Variants in RSRC1 observed in about 807,000 individuals in gnomAD.
RSRC1 encodes the protein serine/Arginine-related protein 53.
In RSRC1, 39 loss-of-function variants were observed where a neutral mutation model predicts 49.1. That is an observed-to-expected ratio of 0.79 (90% CI 0.61 to 1.04). The LOEUF is 1.04. Among genes scored for constraint, RSRC1 ranks in the 50% least tolerant of loss-of-function variants. The pLI is 0.00. For missense variants in RSRC1, 388 were observed against 402.4 expected, an observed-to-expected ratio of 0.96 and a Z score of 0.31; for synonymous variants, 143 against 130.8, an observed-to-expected ratio of 1.09 and a Z score of -0.63.
At chr3:158,137,825 C>T (rs1309429018) in intron 3 of RSRC1, among the ~76,000 whole-genome samples, 5 of 151,488 alleles carry the variant, frequency 3.3e-5, no homozygotes, top group East Asian at 3.9e-4. Context: ...GGCTAATTTT[C>T]GTATTTTTAG....
intron 3 of RSRC1, among the ~76,000 whole-genome samples, chr3:158,163,259 G>A (rs1023136680): frequency 3.9e-5 from 6 of 152,146 alleles, no homozygotes; most frequent in Non-Finnish European, 7.4e-5. Context: ...TGCCTCCTCT[G>A]CCTCCCAAAA....
Position 158,207,664 on chromosome 3 carries a change from G to GATAGATAGATAGATAGATAA in RSRC1, c.494+4420_494+4421insTAGATAGATAGATAGATAAA, listed in dbSNP as rs1256510424. ...AGATAGATAGATAGATAGATAGATA[G>GATAGATAGATAGATAGATAA]ACAGAGAGACAGACAGACAGACAGG... On this transcript the variant is annotated intron_variant, in intron 4 of 9. Transcript: ENST00000611884. Among the ~76,000 whole-genome samples the GATAGATAGATAGATAGATAA allele has an allele frequency of 1.9e-3, 292 of 152,068 alleles. 3 individuals are homozygous for GATAGATAGATAGATAGATAA. Among genetic ancestry groups the GATAGATAGATAGATAGATAA allele is most frequent in the Middle Eastern group, 0.01 (3 of 294 alleles).
chr3:158,489,109 T>A (rs1269335741), intron 7 of RSRC1, among the ~76,000 whole-genome samples: 1 of 152,224 alleles, frequency 6.6e-6, no homozygotes, highest in Non-Finnish European at 1.5e-5. Flanking sequence ...ATTATTTTCA[T>A]TTTACCACTT....
chr3:158,364,708 C>T (rs1039624842), intron 6 of RSRC1, among the ~76,000 whole-genome samples: 1 of 151,796 alleles, frequency 6.6e-6, no homozygotes, highest in Non-Finnish European at 1.5e-5. Flanking sequence ...GTGAAGTCCT[C>T]AAGTCAGGGG....
chr3:158,493,943 G>A (rs1739200105), intron 7 of RSRC1, among the ~76,000 whole-genome samples: 1 of 152,008 alleles, frequency 6.6e-6, no homozygotes, highest in African/African-American at 2.4e-5. Context: ...AAATATCCAA[G>A]GAAGTAAAAA....
intron 6 of RSRC1, among the ~76,000 whole-genome samples, chr3:158,410,862 C>T (rs1423887271): frequency 6.6e-6 from 1 of 151,994 alleles, no homozygotes; most frequent in Non-Finnish European, 1.5e-5. Flanking sequence ...TAAATCAGTA[C>T]TTGTGTTACA....
At chr3:158,121,983 A>G (rs1437400878) in intron 1 of RSRC1, 120 bp from the exon 2 acceptor site, 2 of 544,960 alleles carry the variant, frequency 3.7e-6, no homozygotes, top group Admixed American at 4.1e-5. Flanking sequence ...CCAGCCTGGG[A>G]TACAGAGGGA....
intron 3 of RSRC1, among the ~76,000 whole-genome samples, chr3:158,199,503 C>T (rs1720897213): frequency 6.6e-6 from 1 of 152,018 alleles, no homozygotes; most frequent in Admixed American, 6.6e-5. Flanking sequence ...TTAGTTTTCT[C>T]TTCCATTGAT....
chr3:158,334,649 T>TTGTGTGTGTGTGTGTGTGTG (rs71840277), intron 5 of RSRC1, among the ~76,000 whole-genome samples: 21 of 137,448 alleles, frequency 1.5e-4, no homozygotes, highest in Non-Finnish European at 2.0e-4. Context: ...CCCAGCTAAT[T>TTGTGTGTGTGTGTGTGTGTG]TGTGTGTGTG....
chr3:158,259,678 C>A (rs1392245909), intron 4 of RSRC1, among the ~76,000 whole-genome samples: 2 of 152,180 alleles, frequency 1.3e-5, no homozygotes, highest in Non-Finnish European at 2.9e-5. Context: ...GAGTTCCCCC[C>A]AGCCCCAGGC....
intron 7 of RSRC1, among the ~76,000 whole-genome samples, chr3:158,501,334 G>GTTGAATAGAAT (rs1215666794): frequency 1.3e-5 from 2 of 152,076 alleles, no homozygotes; most frequent in Non-Finnish European, 2.9e-5. Flanking sequence ...TGTGTATTCT[G>GTTGAATAGAAT]GGGTTGTTGG....
rs550644888 is a variant in RSRC1, at chr3:158,406,733, T to C, written c.583+51825T>C. Among the ~76,000 whole-genome samples, 97 of 152,238 alleles carry C rather than the reference T, an allele frequency of 6.4e-4. 1 individual carries two copies. The highest frequency in any genetic ancestry group is 3.4e-3 in the Middle Eastern group (1 of 294). The stretch of plus-strand genomic sequence containing the variant: ...ATGCATTAGAATCATCTCTTTTGCT[T>C]GTCCATGAGCACTAATCTAGTGGAA... On this transcript the variant is annotated intron_variant, in intron 6 of 9. Transcript: ENST00000611884.
intron 5 of RSRC1, among the ~76,000 whole-genome samples, chr3:158,329,046 G>A (rs1400334587): frequency 1.3e-5 from 2 of 152,180 alleles, no homozygotes; most frequent in Admixed American, 6.5e-5. Flanking sequence ...TGAAGGTTGT[G>A]CATTTGTCAC....
chr3:158,132,443 A>G (rs915610275), intron 3 of RSRC1, among the ~76,000 whole-genome samples: 2 of 152,162 alleles, frequency 1.3e-5, no homozygotes, highest in African/African-American at 4.8e-5. Context: ...GTGTCTGATG[A>G]TATTTTTCTG....
At chr3:158,127,330 C>G (rs1367504577) in intron 3 of RSRC1, among the ~76,000 whole-genome samples, 1 of 151,950 alleles carries the variant, frequency 6.6e-6, no homozygotes, top group Non-Finnish European at 1.5e-5. Flanking sequence ...TTAATGATGT[C>G]TTATAGTCCC....
intron 6 of RSRC1, among the ~76,000 whole-genome samples, chr3:158,452,596 C>T (rs934604794): frequency 6.6e-6 from 1 of 152,044 alleles, no homozygotes; most frequent in Non-Finnish European, 1.5e-5. Flanking sequence ...TTGTGAAATG[C>T]CATAGTGTCT....
At chr3:158,168,652 TAAG>T (rs1718679845) in intron 3 of RSRC1, among the ~76,000 whole-genome samples, 1 of 152,194 alleles carries the variant, frequency 6.6e-6, no homozygotes, top group African/African-American at 2.4e-5. Flanking sequence ...TACTATTCGT[TAAG>T]ATTATAATTG....
chr3:158,356,516 T>A (rs1466284530), intron 6 of RSRC1, among the ~76,000 whole-genome samples: 1 of 151,646 alleles, frequency 6.6e-6, no homozygotes, highest in Non-Finnish European at 1.5e-5. Flanking sequence ...TCCTTATTAC[T>A]CTAAAAATAA....
chr3:158,486,807 G>A (rs1738833611), intron 7 of RSRC1, among the ~76,000 whole-genome samples: 1 of 152,180 alleles, frequency 6.6e-6, no homozygotes, highest in Non-Finnish European at 1.5e-5. Context: ...GACAAGTTAA[G>A]TGACTTCCTC....
Sources: gnomAD v4.1 joint callset for allele counts (sites outside exome capture counted in the v4.1 genomes callset) on GRCh38, gnomAD v4.1.1 for gene constraint, MANE v1.5 for transcripts, NCBI Gene and HGNC (gene_info 2026-07-23, HGNC 2026-07-21) for gene names.